CNPY2: variants seen among roughly 807,000 people sequenced by gnomAD.
CNPY2 encodes canopy FGF signaling regulator 2, also known as protein canopy homolog 2.
A neutral mutation model predicts 25.5 loss-of-function variants in CNPY2; 19 were observed. That is an observed-to-expected ratio of 0.74 (90% CI 0.52 to 1.09). The LOEUF is 1.09. CNPY2 is among the 50% of genes least tolerant of loss of function. CNPY2 has a pLI of 0.00. For synonymous variants in CNPY2, 82 were observed against 85.0 expected (o/e 0.96, Z 0.19); for missense variants, 214 against 233.6 (o/e 0.92, Z 0.55).
chr12:56,311,757 G>A (rs1873724030), intron 3 of CNPY2: 1 of 352,846 alleles, frequency 2.8e-6, no homozygotes, highest in South Asian at 2.2e-5. Context: ...TCTCTGTGTT[G>A]GTCGGGCTGG....
chr12:56,316,106 G>C (rs1026782801), upstream of CNPY2: 1 of 152,738 alleles, frequency 6.5e-6, no homozygotes, highest in Non-Finnish European at 1.5e-5. Context: ...CGAACAGGCA[G>C]CTTAGGAGAG....
At chr12:56,312,582 T>G (rs1487844946) in intron 3 of CNPY2, 1 of 152,864 alleles carries the variant, frequency 6.5e-6, no homozygotes, top group Non-Finnish European at 1.5e-5. Context: ...TTTTTCTTTT[T>G]TTTTTTGAGA....
At chr12:56,314,630 T>C in intron 3 of CNPY2, 1 of 1,410,060 alleles carries the variant, frequency 7.1e-7, no homozygotes, top group Non-Finnish European at 9.2e-7. Context: ...GGACTCCCTG[T>C]TTGCTAACAA....
At position 56,310,437 on chromosome 12, in the gene CNPY2, T is replaced by C. The variant is rs1873683512; in HGVS notation, c.*115A>G. The C allele has an allele frequency of 9.7e-7, 1 of 1,033,268 alleles. No individual in the cohort carries two copies. The highest frequency in any genetic ancestry group is 1.5e-6 in the Non-Finnish European group (1 of 671,088). 64.0% of individuals were successfully genotyped at this position (1,033,268 alleles called of 1,614,324 possible). On this transcript the variant is annotated 3_prime_UTR_variant, in exon 6 of 6. Coordinates refer to ENST00000273308, the MANE Select transcript of CNPY2 (RefSeq NM_014255.7). ...TGAAAAGACAACACAGTTTGTACTT[T>C]TGGTTTCATATTTTTTCAGTTAATT...
At chr12:56,310,693 C>G in intron 5 of CNPY2, 98 bp from the exon 6 acceptor site, 1 of 1,202,694 alleles carries the variant, frequency 8.3e-7, no homozygotes, top group Admixed American at 1.7e-5. Context: ...CAAACACACA[C>G]CAACCACCAT....
chr12:56,314,473 A>T (rs1037561014), intron 3 of CNPY2: 1 of 1,102,492 alleles, frequency 9.1e-7, no homozygotes, highest in African/African-American at 1.6e-5. Flanking sequence ...AAATTTCCTA[A>T]TTATGAGGAT....
rs184047174 is a variant in CNPY2 at position 56,310,387 on chromosome 12, C to T, written c.*165G>A. ...GTCTATATAACTCCTTATCTTCAAG[C>T]TTAATGTAAGGGCAATTCCAGGCAT... is the stretch of plus-strand genomic sequence containing the variant. On this transcript the variant is annotated 3_prime_UTR_variant, in exon 6 of 6. Coordinates refer to ENST00000273308, the MANE Select transcript of CNPY2 (RefSeq NM_014255.7). 2.5e-4 allele frequency: 168 copies of T among 677,240 alleles called. 1 individual carries two copies. In the Middle Eastern group the frequency reaches 5.9e-3, roughly 24 times the overall value. 42.0% of individuals were successfully genotyped at this position (677,240 alleles called of 1,614,324 possible).
chr12:56,310,743 C>T, intron 5 of CNPY2, 148 bp from the exon 6 acceptor site: 1 of 902,944 alleles, frequency 1.1e-6, no homozygotes, highest in Non-Finnish European at 1.8e-6. Flanking sequence ...AACATCCCCA[C>T]TGTCCTCTCA....
chr12:56,310,529 C>G lies in CNPY2; in HGVS notation c.*23G>C. On this transcript the variant is annotated 3_prime_UTR_variant, in exon 6 of 6. Coordinates refer to ENST00000273308, the MANE Select transcript of CNPY2 (RefSeq NM_014255.7). ...CCCCTCCTGGGGGTGATCCATCAAG[C>G]CAGTGTGGGCTGCTCCAGTGGTTCA... 6.2e-7 allele frequency: 1 copy of G among 1,613,534 alleles called. No homozygotes were observed.
chr12:56,310,573 G>T lies in CNPY2; in HGVS notation c.528C>A (p.His176Gln). The change falls in exon 6 of 6, where the codon CAC becomes CAA. Residue 176 changes from histidine to glutamine, a missense_variant. By Grantham distance (24) the His-to-Gln change is conservative. Coordinates refer to ENST00000273308, the MANE Select transcript of CNPY2 (RefSeq NM_014255.7). ...TGGTTCATAGCTCATCATGCGATAT[G>T]TGCAGGGCATGGTCACAAAGATCTG... Reference protein sequence around the residue: ...KRTDLCDHALHISHDEL With the variant: ...KRTDLCDHALQISHDEL 6.2e-7 allele frequency: 1 copy of T among 1,614,212 alleles called. No individual in the cohort carries two copies. The highest frequency in any genetic ancestry group is 1.3e-5 in the African/African-American group (1 of 75,050).
At chr12:56,315,329 A>C in intron 1 of CNPY2, 87 bp from the exon 2 acceptor site, 1 of 725,832 alleles carries the variant, frequency 1.4e-6, no homozygotes, top group East Asian at 2.6e-5. Context: ...AAGGCTTTCA[A>C]AGGCCTCATT....
At position 56,310,962 on chromosome 12, in the gene CNPY2, T is replaced by A; in HGVS notation, c.501A>T (p.Arg167=). Residue 167 remains arginine (R), a synonymous_variant, in exon 5 of 6, where the codon CGA becomes CGT. Transcript: ENST00000273308. ...DNVKDKLCSK[R]TDLCDHALHI... ...GATAAAGTGGGGGCAGCTTACCTGT[T>A]CGCTTACTGCAAAGTTTGTCTTTAA... 1 of 1,614,052 alleles carries A rather than the reference T, an allele frequency of 6.2e-7. No homozygotes were observed. The highest frequency in any genetic ancestry group is 1.1e-5 in the South Asian group (1 of 91,070).
intron 3 of CNPY2, among the ~76,000 whole-genome samples, chr12:56,313,632 G>T (rs1357291239): frequency 1.3e-5 from 2 of 148,858 alleles, no homozygotes; most frequent in African/African-American, 5.0e-5. Flanking sequence ...TTTGAGAGGA[G>T]TCTCGCTGTG....
At chr12:56,311,442 T>G in intron 3 of CNPY2, 28 bp from the exon 4 acceptor site, 1 of 1,600,902 alleles carries the variant, frequency 6.2e-7, no homozygotes, top group Non-Finnish European at 8.6e-7. Context: ...CTTGGGTCAC[T>G]CTCTTCTACC....
At chr12:56,310,901 G>A in intron 5 of CNPY2, 57 bp downstream of exon 5, 1 of 1,483,344 alleles carries the variant, frequency 6.7e-7, no homozygotes, top group Non-Finnish European at 9.4e-7. Flanking sequence ...GGGTGAGTTA[G>A]GGAATGTCAG....
rs1455494836 is a variant in CNPY2 at position 56,310,433 on chromosome 12, A to G, written c.*119T>C. On this transcript the variant is annotated 3_prime_UTR_variant, in exon 6 of 6. Coordinates refer to ENST00000273308, the MANE Select transcript of CNPY2 (RefSeq NM_014255.7). ...GGCATGAAAAGACAACACAGTTTGT[A>G]CTTTTGGTTTCATATTTTTTCAGTT... is the stretch of plus-strand genomic sequence containing the variant. The G allele has an allele frequency of 2.1e-6, 2 of 968,916 alleles. No homozygotes were observed. Among genetic ancestry groups the G allele is most frequent in the African/African-American group, 3.3e-5 (2 of 61,426 alleles). 60.0% of individuals were successfully genotyped at this position (968,916 alleles called of 1,614,324 possible).
chr12:56,315,286 C>G lies in CNPY2; in HGVS notation c.-25-44G>C, dbSNP rs1226802484. The G allele has an allele frequency of 1.7e-5, 20 of 1,200,170 alleles. No homozygotes were observed. The East Asian group carries it at 4.4e-4, about 27-fold the overall frequency. 74.3% of individuals were successfully genotyped at this position (1,200,170 alleles called of 1,614,324 possible). A position where few individuals can be genotyped will look rare whatever the true frequency, so the allele number is the denominator to read the frequency against. ...AAAACATAAGTGTGAGGAGCCGACT[C>G]CATTTTTCCCTGACCCCCCCAATCC... is the stretch of plus-strand genomic sequence containing the variant. On this transcript the variant is annotated intron_variant, in intron 1 of 5. Coordinates refer to ENST00000273308, the MANE Select transcript of CNPY2 (RefSeq NM_014255.7).
chr12:56,310,892 G>A (rs1873694467), intron 5 of CNPY2, 66 bp downstream of exon 5: 1 of 1,416,202 alleles, frequency 7.1e-7, no homozygotes. Context: ...GGGGTGTATG[G>A]GTGAGTTAGG....
At chr12:56,312,105 C>T (rs142233197) in intron 3 of CNPY2, among the ~76,000 whole-genome samples, 1 of 152,208 alleles carries the variant, frequency 6.6e-6, no homozygotes, top group African/African-American at 2.4e-5. Flanking sequence ...GTCTCGATCT[C>T]CTGACCTAGT....
Sources: gnomAD v4.1 joint callset for allele counts (sites outside exome capture counted in the v4.1 genomes callset) on GRCh38, gnomAD v4.1.1 for gene constraint, MANE v1.5 for transcripts, NCBI Gene and HGNC (gene_info 2026-07-23, HGNC 2026-07-21) for gene names.